The following CALN1 variants were observed in gnomAD, a reference collection of about 807,000 sequenced individuals.
CALN1 encodes the protein calcium-binding protein 8.
CALN1 carries 17 observed loss-of-function variants against 30.6 expected under a neutral mutation model. The ratio of observed to expected loss-of-function variants is 0.56; its 90% CI spans 0.38 to 0.83. The LOEUF (loss-of-function observed/expected upper bound fraction) is 0.83. CALN1 is among the 40% of genes least tolerant of loss of function. The pLI is 0.00. For synonymous variants in CALN1, 156 were observed against 131.4 expected (o/e 1.19, Z -1.28); for missense variants, 291 against 354.9 (o/e 0.82, Z 1.45).
At chr7:71,815,025 G>C (rs895004458) in intron 5 of CALN1, among the ~76,000 whole-genome samples, 1 of 151,994 alleles carries the variant, frequency 6.6e-6, no homozygotes, top group East Asian at 1.9e-4. Flanking sequence ...AGTAGAGACG[G>C]AGTTTCACCG....
intron 4 of CALN1, among the ~76,000 whole-genome samples, chr7:72,077,957 A>G (rs1804862491): frequency 6.6e-6 from 1 of 152,166 alleles, no homozygotes; most frequent in African/African-American, 2.4e-5. Flanking sequence ...ACGCTGAGAG[A>G]GGAGCACAAG....
intron 1 of CALN1, among the ~76,000 whole-genome samples, chr7:72,404,276 G>T (rs1222999837): frequency 6.6e-6 from 1 of 152,202 alleles, no homozygotes; most frequent in South Asian, 2.1e-4. Context: ...ACCCCAGGCA[G>T]GGAAGAGCTC....
chr7:72,160,885 C>G (rs1788061102), intron 3 of CALN1, among the ~76,000 whole-genome samples: 1 of 152,220 alleles, frequency 6.6e-6, no homozygotes, highest in Non-Finnish European at 1.5e-5. Flanking sequence ...TTCCCAAAAT[C>G]TTCCTTCCAT....
intron 3 of CALN1, among the ~76,000 whole-genome samples, chr7:72,165,443 C>A (rs1475459192): frequency 1.3e-5 from 2 of 152,076 alleles, no homozygotes; most frequent in East Asian, 3.9e-4. Context: ...TGCCTCTAAT[C>A]CCAGCACCCC....
chr7:72,012,324 C>A (rs988565552), intron 5 of CALN1, among the ~76,000 whole-genome samples: 1 of 152,122 alleles, frequency 6.6e-6, no homozygotes, highest in African/African-American at 2.4e-5. Context: ...ACCATCCTGG[C>A]CAACATGGTG....
At chr7:72,425,490 C>G (rs993323149) in intron 1 of CALN1, among the ~76,000 whole-genome samples, 12 of 152,228 alleles carry the variant, frequency 7.9e-5, no homozygotes, top group Admixed American at 6.5e-4. Flanking sequence ...AAGTGCCATG[C>G]CTCATTACTC....
intron 5 of CALN1, among the ~76,000 whole-genome samples, chr7:71,865,407 C>A (rs1294808268): frequency 2.0e-5 from 3 of 152,230 alleles, no homozygotes; most frequent in African/African-American, 7.2e-5. Context: ...TTTCCTGGGG[C>A]CTCCCCAGAA....
intron 2 of CALN1, among the ~76,000 whole-genome samples, chr7:72,334,648 C>T (rs1007850489): frequency 2.0e-5 from 3 of 152,192 alleles, no homozygotes; most frequent in African/African-American, 4.8e-5. Context: ...GCACCCTAGC[C>T]GAAGGCCTGA....
intron 5 of CALN1, among the ~76,000 whole-genome samples, chr7:71,853,872 G>A (rs557962604): frequency 2.5e-3 from 386 of 152,144 alleles, no homozygotes; most frequent in African/African-American, 8.6e-3. Flanking sequence ...GAGCAACTGC[G>A]CCCAGCCTGA....
At chr7:72,108,674 T>G (rs1807345501) in intron 3 of CALN1, among the ~76,000 whole-genome samples, 1 of 152,184 alleles carries the variant, frequency 6.6e-6, no homozygotes, top group South Asian at 2.1e-4. Context: ...GTCTATACAT[T>G]CCTTCCCTAT....
At position 72,168,186 on chromosome 7, in the gene CALN1, A is replaced by C. The variant is rs544877699; in HGVS notation, c.245-61892T>G. On this transcript the variant is annotated intron_variant, in intron 3 of 6. Transcript: ENST00000395275. ...TATTTCTCCCCTGAAGCTAGCATTA[A>C]AATTCATTTACATTTTCTCAACACA... Among the ~76,000 whole-genome samples, 8 of 152,178 alleles carry C rather than the reference A, an allele frequency of 5.3e-5. No homozygotes were observed. The East Asian group carries it at 1.4e-3, about 26-fold the overall frequency.
intron 3 of CALN1, among the ~76,000 whole-genome samples, chr7:72,209,206 CTCCTTCCTTCCCTCCTTCCCTCTT>C (rs1792151066): frequency 2.4e-5 from 3 of 125,384 alleles, no homozygotes; most frequent in Non-Finnish European, 1.6e-5. Context: ...CCCTCCTTCC[CTCCTTCCTTCCCTCCTTCCCTCTT>C]TCCTTCCCTC....
chr7:72,402,060 CCTTCCTTGCT>C (rs1487519658), intron 2 of CALN1, among the ~76,000 whole-genome samples: 10 of 152,198 alleles, frequency 6.6e-5, no homozygotes, highest in African/African-American at 1.7e-4. Context: ...CTCTAGCCAA[CCTTCCTTGCT>C]CTTCCTTGCT....
intron 6 of CALN1, among the ~76,000 whole-genome samples, chr7:71,795,811 A>ATT (rs1584233372): frequency 9.0e-6 from 1 of 111,568 alleles, no homozygotes; most frequent in Non-Finnish European, 1.7e-5. Context: ...CCAGTACTTC[A>ATT]TTCTTTTTTT....
At chr7:72,495,873 T>C in the CALN1 span, among the ~76,000 whole-genome samples, 3 of 152,228 alleles carry the variant, frequency 2.0e-5, 1 homozygote. Flanking sequence ...CAGATTTGTA[T>C]ATCATGGGCA....
chr7:72,328,402 G>A (rs1009828286), intron 2 of CALN1, among the ~76,000 whole-genome samples: 11 of 152,318 alleles, frequency 7.2e-5, no homozygotes, highest in African/African-American at 2.4e-4. Context: ...CTGCCATCAT[G>A]GAAGACATCC....
At chr7:72,142,643 G>A (rs1012870346) in intron 3 of CALN1, among the ~76,000 whole-genome samples, 4 of 152,116 alleles carry the variant, frequency 2.6e-5, no homozygotes, top group Admixed American at 6.5e-5. Flanking sequence ...CTCCCAGCAC[G>A]GAGCTTGAGA....
chr7:71,821,504 G>C (rs1210664800), intron 5 of CALN1, among the ~76,000 whole-genome samples: 1 of 152,026 alleles, frequency 6.6e-6, no homozygotes, highest in East Asian at 1.9e-4. Context: ...AAAACCATTA[G>C]ATCTCATGAG....
intron 3 of CALN1, among the ~76,000 whole-genome samples, chr7:72,164,615 C>T (rs1404171495): frequency 3.9e-5 from 6 of 152,168 alleles, no homozygotes; most frequent in Non-Finnish European, 8.8e-5. Flanking sequence ...TTTTAAGCCA[C>T]TCAGTTCATA....
Sources: allele counts gnomAD v4.1 joint callset (sites outside exome capture counted in the v4.1 genomes callset), GRCh38; gene constraint gnomAD v4.1.1; transcripts MANE v1.5; gene names NCBI Gene and HGNC (gene_info 2026-07-23, HGNC 2026-07-21).